Variants in COASY observed in about 807,000 individuals in gnomAD.
COASY encodes Coenzyme A synthase.
In COASY, 31 loss-of-function variants were observed where a neutral mutation model predicts 49.4. The ratio of observed to expected loss-of-function variants is 0.63; its 90% CI spans 0.47 to 0.85. The LOEUF is 0.85. COASY is among the 40% of genes least tolerant of loss of function. COASY has a pLI of 0.00. For synonymous variants in COASY, 285 were observed against 310.9 expected (o/e 0.92, Z 0.88); for missense variants, 730 against 734.1 (o/e 0.99, Z 0.06).
In COASY at chr17:42,563,951, C is replaced by A; in HGVS notation, c.701-10C>A. On this transcript the variant is annotated splice_polypyrimidine_tract_variant and intron_variant, in intron 1 of 8. Coordinates refer to ENST00000393818, the MANE Select transcript of COASY (RefSeq NM_025233.7). Reference sequence around the variant, plus strand: ...AAAGATCTCACTGTTCTTCTGGGCTCCTTCCCCAGGCAAGTTGCTCCCTGA... The same window carrying A: ...AAAGATCTCACTGTTCTTCTGGGCTACTTCCCCAGGCAAGTTGCTCCCTGA... The A allele has an allele frequency of 6.3e-7, 1 of 1,593,068 alleles. No individual in the cohort carries two copies. Among genetic ancestry groups the A allele is most frequent in the South Asian group, 1.1e-5 (1 of 88,976 alleles).
rs1317977477 is a variant in COASY, at chr17:42,564,068, C to G, written c.808C>G (p.Leu270Val). Residue 270 changes from leucine (L) to valine (V), a missense_variant, in exon 2 of 9, where the codon CTG (leucine) becomes GTG (valine). Physicochemically the swap from Leu to Val is conservative, Grantham distance 32. Transcript: ENST00000393818. ...PSLTFDVIPL[L>V]DPYGPAGSDP... ...CTTGACTTTTGATGTCATCCCCCTG[C>G]TGGACCCCTATGGGCCCGCTGGCTC... is the stretch of plus-strand genomic sequence containing the variant. The G allele has an allele frequency of 1.9e-6, 3 of 1,614,172 alleles. No individual in the cohort carries two copies. Among genetic ancestry groups the G allele is most frequent in the South Asian group, 2.2e-5 (2 of 91,082 alleles).
Position 42,565,744 on chromosome 17 carries a change from T to C in COASY, c.1571T>C (p.Leu524Pro). The change falls in exon 8 of 9, where the codon CTT (leucine) becomes CCT (proline). Residue 524 changes from leucine to proline, a missense_variant. Transcript: ENST00000393818. ...RLQSQMSGQQLVEQSHVVLST... is the reference protein window; with the variant it reads ...RLQSQMSGQQPVEQSHVVLST... ...CAGAGCCAGATGAGCGGGCAGCAGC[T>C]TGTGGAACAGAGCCACGTGGTGCTC... 6.2e-7 allele frequency: 1 copy of C among 1,613,952 alleles called. No individual in the cohort carries two copies. Among genetic ancestry groups the C allele is most frequent in the Non-Finnish European group, 8.5e-7 (1 of 1,180,026 alleles).
At position 42,564,428 on chromosome 17, in the gene COASY, C is replaced by G; in HGVS notation, c.916-18C>G. 6.2e-7 allele frequency: 1 copy of G among 1,613,878 alleles called. No individual in the cohort carries two copies. The highest frequency in any genetic ancestry group is 8.5e-7 in the Non-Finnish European group (1 of 1,179,936). On this transcript the variant is annotated intron_variant, in intron 2 of 8. Transcript: ENST00000393818. ...CACTCCCTCCTTCCCTCTTTTTACCCTTTCCTCTTTACCCCAGGACCTGGA... is the reference window on the plus strand; with the variant it reads ...CACTCCCTCCTTCCCTCTTTTTACCGTTTCCTCTTTACCCCAGGACCTGGA...
rs766977029 is a variant in COASY, at chr17:42,562,368, A to G, written c.-255A>G. 6.3e-7 allele frequency: 1 copy of G among 1,584,704 alleles called. No individual in the cohort carries two copies. The stretch of plus-strand genomic sequence containing the variant: ...GGTTCCTGTCCAGTTTCCCCCTCCC[A>G]GGATTTCGACTCAGTTCAGCGAAGT... On this transcript the variant is annotated 5_prime_UTR_variant, in exon 1 of 9. Coordinates refer to ENST00000393818, the MANE Select transcript of COASY (RefSeq NM_025233.7).
Position 42,562,193 on chromosome 17 carries a change from A to G in COASY, c.-430A>G, listed in dbSNP as rs1216416224. ...GCCAGGGAAGCCTCCGCGGTGGTGC[A>G]AGTGGAACCCAAGCCTTGAGGTTTC... On this transcript the variant is annotated 5_prime_UTR_variant, in exon 1 of 9. Coordinates refer to ENST00000393818, the MANE Select transcript of COASY (RefSeq NM_025233.7). 1 of 469,966 alleles carries G rather than the reference A, an allele frequency of 2.1e-6. No individual in the cohort carries two copies. The highest frequency in any genetic ancestry group is 2.0e-5 in the African/African-American group (1 of 49,632). The allele number at this position is 469,966 out of a possible 1,614,324, so 29.1% of individuals were successfully genotyped here.
In COASY at chr17:42,563,288, TGTG is replaced by T. The variant is rs1395370364; in HGVS notation, c.671_673del (p.Val224del). The T allele has an allele frequency of 6.2e-6, 10 of 1,603,068 alleles. No homozygotes were observed. The highest frequency in any genetic ancestry group is 2.2e-5 in the East Asian group (1 of 44,758). On this transcript the variant is annotated inframe_deletion, in exon 1 of 9. Coordinates refer to ENST00000393818, the MANE Select transcript of COASY (RefSeq NM_025233.7). ...CGTGCATCCTGGCCCAGGAGCAGCT[TGTG>T]GTGGGAGTAGCAGACAAAGATCTGT...
Position 42,566,017 on chromosome 17 carries a change from C to A in COASY, c.*49C>A. The A allele has an allele frequency of 6.3e-7, 1 of 1,596,184 alleles. No individual in the cohort carries two copies. Among genetic ancestry groups the A allele is most frequent in the South Asian group, 1.1e-5 (1 of 90,658 alleles). On this transcript the variant is annotated 3_prime_UTR_variant, in exon 9 of 9. Transcript: ENST00000393818. ...GGCTCCTGGAGCTGACAAGCGACCC[C>A]GTGGTGAGGAGAAATGGGGGCCTTG...
chr17:42,565,972 G>C lies in COASY; in HGVS notation c.*4G>C. 6.2e-7 allele frequency: 1 copy of C among 1,613,784 alleles called. No homozygotes were observed. Among genetic ancestry groups the C allele is most frequent in the South Asian group, 1.1e-5 (1 of 91,084 alleles). On this transcript the variant is annotated 3_prime_UTR_variant, in exon 9 of 9. Transcript: ENST00000393818. ...GACTCATCAGGCCCTCGACTGAAAA[G>C]TTCTCAGTGGGGCCAGACTGGCTCC... is the stretch of plus-strand genomic sequence containing the variant.
intron 1 of COASY, chr17:42,563,707 T>G: frequency 1.8e-6 from 1 of 545,898 alleles, no homozygotes; most frequent in Non-Finnish European, 3.2e-6. Flanking sequence ...TGATGCCCTC[T>G]GGCACTGCTC....
chr17:42,564,345 G>A (rs540738540), intron 2 of COASY, 101 bp from the exon 3 acceptor site: 593 of 1,566,984 alleles, frequency 3.8e-4, no homozygotes, highest in Admixed American at 8.0e-4. Context: ...CGGAGGAGGA[G>A]GAGCCTGGGT....
chr17:42,562,370 G>A lies in COASY; in HGVS notation c.-253G>A, dbSNP rs749946116. The A allele has an allele frequency of 6.3e-7, 1 of 1,592,810 alleles. No homozygotes were observed. The highest frequency in any genetic ancestry group is 1.7e-5 in the Admixed American group (1 of 59,676). On this transcript the variant is annotated 5_prime_UTR_variant, in exon 1 of 9. Coordinates refer to ENST00000393818, the MANE Select transcript of COASY (RefSeq NM_025233.7). ...TTCCTGTCCAGTTTCCCCCTCCCAGGATTTCGACTCAGTTCAGCGAAGTCA... is the reference window on the plus strand; with the variant it reads ...TTCCTGTCCAGTTTCCCCCTCCCAGAATTTCGACTCAGTTCAGCGAAGTCA...
chr17:42,565,201 C>A, intron 5 of COASY, 26 bp from the exon 6 acceptor site: 1 of 1,612,430 alleles, frequency 6.2e-7, no homozygotes, highest in Non-Finnish European at 8.5e-7. Context: ...GAGAAGGTAA[C>A]CTCTGCCCTC....
At position 42,566,011 on chromosome 17, in the gene COASY, C is replaced by T. The variant is rs537900212; in HGVS notation, c.*43C>T. 11 of 1,603,706 alleles carry T rather than the reference C, an allele frequency of 6.9e-6. No individual in the cohort carries two copies. The highest frequency in any genetic ancestry group is 1.7e-4 in the Middle Eastern group (1 of 6,034). Reference sequence around the variant, plus strand: ...CAGACTGGCTCCTGGAGCTGACAAGCGACCCCGTGGTGAGGAGAAATGGGG... The same window carrying T: ...CAGACTGGCTCCTGGAGCTGACAAGTGACCCCGTGGTGAGGAGAAATGGGG... On this transcript the variant is annotated 3_prime_UTR_variant, in exon 9 of 9. Transcript: ENST00000393818.
In COASY at chr17:42,565,469, A is replaced by G. The variant is rs145108650; in HGVS notation, c.1388-2A>G. 8.9e-5 allele frequency: 144 copies of G among 1,614,180 alleles called. No homozygotes were observed. The African/African-American group carries it at 1.9e-3, about 21-fold the overall frequency. ...CTGGCGGTGACTGGGGTCTCCCCAC[A>G]GGAAAGCGTGTGTGTGTGATTGATG... is the stretch of plus-strand genomic sequence containing the variant. On this transcript the variant is annotated splice_acceptor_variant, in intron 6 of 8. Coordinates refer to ENST00000393818, the MANE Select transcript of COASY (RefSeq NM_025233.7). LOFTEE classifies it high-confidence loss of function.
chr17:42,563,994 C>T lies in COASY; in HGVS notation c.734C>T (p.Thr245Ile), dbSNP rs376607081. Residue 245 changes from threonine (T) to isoleucine (I), a missense_variant, in exon 2 of 9, where the codon ACA becomes ATA. Transcript: ENST00000393818. Reference protein sequence around the residue: ...KLLPELLQPYTERVEHLSEFL... With the variant: ...KLLPELLQPYIERVEHLSEFL... ...CTCCCTGAGCTGCTCCAACCTTATA[C>T]AGAACGTGTGGAACATCTGAGTGAA... The T allele has an allele frequency of 1.4e-5, 22 of 1,613,614 alleles. No homozygotes were observed. The highest frequency in any genetic ancestry group is 1.6e-5 in the Non-Finnish European group (19 of 1,179,690).
chr17:42,564,545 C>T lies in COASY; in HGVS notation c.1015C>T (p.Arg339Ter), dbSNP rs139742477. The T allele has an allele frequency of 1.4e-5, 23 of 1,613,466 alleles. No individual in the cohort carries two copies. The highest frequency in any genetic ancestry group is 8.0e-5 in the African/African-American group (6 of 74,862). Reference protein sequence around the residue: ...DKVSSSSFRQRMLGNLLRPPY... With the variant: ...DKVSSSSFRQ ...AGTCAGCTCCTCCAGCTTCCGCCAG[C>T]GAATGTTGGGGAACCTGCTTCGGCC... The change falls in exon 3 of 9, where the codon CGA becomes TGA. Residue 339 changes from arginine to a stop codon, truncating the protein, a stop_gained. Transcript: ENST00000393818. LOFTEE classifies it high-confidence loss of function.
At position 42,564,986 on chromosome 17, in the gene COASY, T is replaced by G. The variant is rs764233489; in HGVS notation, c.1241T>G (p.Ile414Ser). The change falls in exon 5 of 9, where the codon ATT becomes AGT. Residue 414 changes from isoleucine to serine, a missense_variant. Transcript: ENST00000393818. ...QPVVEAFGTD[I>S]LHKDGIINRK... ...GTTGTCTGTCTGTGTTGTCCAGATA[T>G]TCTCCATAAAGATGGCATCATCAAC... The G allele has an allele frequency of 1.9e-6, 3 of 1,614,066 alleles. No individual in the cohort carries two copies. Among genetic ancestry groups the G allele is most frequent in the African/African-American group, 1.3e-5 (1 of 74,916 alleles).
Position 42,565,548 on chromosome 17 carries a change from G to A in COASY, c.1465G>A (p.Ala489Thr). Residue 489 changes from alanine to threonine, a missense_variant, in exon 7 of 9, where the codon GCT (alanine) becomes ACT (threonine). By Grantham distance (58) the Ala-to-Thr change is moderately conservative. Transcript: ENST00000393818. ...WQNLVHEVWT[A>T]VIPETEAVRR... ...GAACCTGGTCCATGAGGTGTGGACT[G>A]CTGTCATCCCAGAGACTGAGGTATC... The A allele has an allele frequency of 6.2e-7, 1 of 1,614,164 alleles. No homozygotes were observed. The highest frequency in any genetic ancestry group is 8.5e-7 in the Non-Finnish European group (1 of 1,180,000).
In COASY at chr17:42,564,737, A is replaced by C. The variant is rs755259628; in HGVS notation, c.1076A>C (p.Tyr359Ser). The change falls in exon 4 of 9, where the codon TAT (tyrosine) becomes TCT (serine). Residue 359 changes from tyrosine to serine, a missense_variant. By Grantham distance (144) the Tyr-to-Ser change is moderately radical. Transcript: ENST00000393818. ...YERPELPTCL[Y>S]VIGLTGISGS... is the part of the protein sequence containing the mutation. ...AGGCCAGAGCTCCCCACATGTCTCTATGTAATTGGGCTGACTGGCATCAGT... is the reference window on the plus strand; with the variant it reads ...AGGCCAGAGCTCCCCACATGTCTCTCTGTAATTGGGCTGACTGGCATCAGT... 1 of 1,528,138 alleles carries C rather than the reference A, an allele frequency of 6.5e-7. No homozygotes were observed. The highest frequency in any genetic ancestry group is 1.4e-5 in the African/African-American group (1 of 71,802). 94.7% of individuals were successfully genotyped at this position (1,528,138 alleles called of 1,614,324 possible). A position where few individuals can be genotyped will look rare whatever the true frequency, so the allele number is the denominator to read the frequency against.
Sources: gnomAD v4.1 joint callset for allele counts on GRCh38, gnomAD v4.1.1 for gene constraint, MANE v1.5 for transcripts, NCBI Gene and HGNC (gene_info 2026-07-23, HGNC 2026-07-21) for gene names.